The following PELI2 variants were observed in gnomAD, a reference collection of about 807,000 sequenced individuals.
The protein encoded by PELI2 is E3 ubiquitin-protein ligase pellino homolog 2.
In PELI2, 23 loss-of-function variants were observed where a neutral mutation model predicts 42.3. That is an observed-to-expected ratio of 0.54 (90% CI 0.39 to 0.77). The LOEUF (loss-of-function observed/expected upper bound fraction) is 0.77, where lower values mean the gene tolerates loss of function less well. PELI2 is among the 30% of genes least tolerant of loss of function. The pLI is 0.00. For synonymous variants in PELI2, 245 were observed against 212.2 expected (o/e 1.15, Z -1.34); for missense variants, 463 against 553.2 (o/e 0.84, Z 1.64).
rs116802748 is a variant in PELI2 at position 56,126,555 on chromosome 14, G to T, written c.77+7818G>T. On this transcript the variant is annotated intron_variant, in intron 1 of 5. Transcript: ENST00000267460. Reference sequence around the variant, plus strand: ...ATTTAACCAGAGCGAGCAGTTGTGTGTTTGGCTTCTAGGCTATTGGTATAA... The same window carrying T: ...ATTTAACCAGAGCGAGCAGTTGTGTTTTTGGCTTCTAGGCTATTGGTATAA... Among the ~76,000 whole-genome samples, 379 of 152,318 alleles carry T rather than the reference G, an allele frequency of 2.5e-3. 3 individuals carry two copies. The highest frequency in any genetic ancestry group is 8.8e-3 in the African/African-American group (366 of 41,560).
chr14:56,210,430 G>A (rs756604278), intron 2 of PELI2, among the ~76,000 whole-genome samples: 2 of 151,776 alleles, frequency 1.3e-5, no homozygotes, highest in East Asian at 1.9e-4. Flanking sequence ...GAATGATTTT[G>A]GTTTTTTTTT....
chr14:56,234,877 A>G (rs375248235), intron 2 of PELI2, among the ~76,000 whole-genome samples: 1 of 152,280 alleles, frequency 6.6e-6, no homozygotes, highest in South Asian at 2.1e-4. Flanking sequence ...TGTGCATAGC[A>G]TGGGGATGGA....
intron 1 of PELI2, among the ~76,000 whole-genome samples, chr14:56,174,164 A>G (rs1885283747): frequency 6.6e-6 from 1 of 152,146 alleles, no homozygotes; most frequent in Non-Finnish European, 1.5e-5. Flanking sequence ...CGGCCTCCCA[A>G]AGTGCCGGGA....
chr14:56,218,700 TGC>T (rs1253297157), intron 2 of PELI2, among the ~76,000 whole-genome samples: 1 of 151,628 alleles, frequency 6.6e-6, no homozygotes, highest in Non-Finnish European at 1.5e-5. Context: ...CGCACATGTG[TGC>T]GTGTGTGTGT....
Position 56,171,837 on chromosome 14 carries a change from G to A in PELI2, c.78-6498G>A, listed in dbSNP as rs566142737. Among the ~76,000 whole-genome samples, 11 of 152,176 alleles carry A rather than the reference G, an allele frequency of 7.2e-5. No homozygotes were observed. In the East Asian group the frequency reaches 1.2e-3, roughly 16 times the overall value. On this transcript the variant is annotated intron_variant, in intron 1 of 5. Coordinates refer to ENST00000267460, the MANE Select transcript of PELI2 (RefSeq NM_021255.3). Reference sequence around the variant, plus strand: ...TCGAAACCAGCCTGGCCAATATGGCGAAACCCTGTCTCTGCTAAAAATACC... The same window carrying A: ...TCGAAACCAGCCTGGCCAATATGGCAAAACCCTGTCTCTGCTAAAAATACC...
At chr14:56,203,813 G>C (rs544437113) in intron 2 of PELI2, among the ~76,000 whole-genome samples, 1 of 152,238 alleles carries the variant, frequency 6.6e-6, no homozygotes, top group South Asian at 2.1e-4. Flanking sequence ...TATATATACA[G>C]GAGGTCTCAC....
At chr14:56,164,486 T>C (rs775743041) in intron 1 of PELI2, among the ~76,000 whole-genome samples, 24 of 152,252 alleles carry the variant, frequency 1.6e-4, no homozygotes, top group Admixed American at 3.9e-4. Flanking sequence ...ACCAGAGATA[T>C]TAGCCTGTAG....
chr14:56,214,693 C>T (rs925015262), intron 2 of PELI2, among the ~76,000 whole-genome samples: 1 of 152,084 alleles, frequency 6.6e-6, no homozygotes, highest in Non-Finnish European at 1.5e-5. Context: ...GGATGTTCAG[C>T]CTTTTTGGGT....
chr14:56,173,789 A>G (rs1885266469), intron 1 of PELI2, among the ~76,000 whole-genome samples: 1 of 152,184 alleles, frequency 6.6e-6, no homozygotes, highest in South Asian at 2.1e-4. Context: ...TTGCCATTGG[A>G]TTTAGGACCT....
intron 3 of PELI2, among the ~76,000 whole-genome samples, chr14:56,283,315 TTTAATAAA>T (rs2139881814): frequency 6.6e-6 from 1 of 152,316 alleles, no homozygotes; most frequent in Admixed American, 6.5e-5. Flanking sequence ...AGACTCAAGA[TTTAATAAA>T]GTTCATAATT....
At chr14:56,244,686 A>G (rs1008018564) in intron 2 of PELI2, among the ~76,000 whole-genome samples, 3 of 152,130 alleles carry the variant, frequency 2.0e-5, no homozygotes, top group South Asian at 4.1e-4. Flanking sequence ...GGGCTGTGTA[A>G]ATAGATTCTC....
At chr14:56,206,666 G>C (rs571122702) in intron 2 of PELI2, among the ~76,000 whole-genome samples, 1 of 152,058 alleles carries the variant, frequency 6.6e-6, no homozygotes, top group Non-Finnish European at 1.5e-5. Flanking sequence ...TCACCAGCCC[G>C]TGCAGTATTC....
At chr14:56,128,083 T>A (rs77129576) in intron 1 of PELI2, among the ~76,000 whole-genome samples, 1 of 151,920 alleles carries the variant, frequency 6.6e-6, no homozygotes, top group Non-Finnish European at 1.5e-5. Context: ...GAAAAAAAAA[T>A]GGGATTGCCT....
chr14:56,229,124 C>T (rs7143757), intron 2 of PELI2, among the ~76,000 whole-genome samples: 61,044 of 152,100 alleles, frequency 0.4, 13,032 homozygotes, highest in South Asian at 0.54. Context: ...AGGAGCCCAC[C>T]GCAGGAGGCC....
chr14:56,144,795 G>T (rs747006598), intron 1 of PELI2, among the ~76,000 whole-genome samples: 2 of 152,168 alleles, frequency 1.3e-5, no homozygotes, highest in African/African-American at 4.8e-5. Flanking sequence ...TTATGATCTT[G>T]TTGGGCCTCT....
chr14:56,158,248 G>T (rs1282773277), intron 1 of PELI2, among the ~76,000 whole-genome samples: 1 of 151,948 alleles, frequency 6.6e-6, no homozygotes, highest in African/African-American at 2.4e-5. Flanking sequence ...GGCTGGTCTC[G>T]AACACCTGAC....
chr14:56,193,916 A>G (rs1217850639), intron 2 of PELI2, among the ~76,000 whole-genome samples: 1 of 152,164 alleles, frequency 6.6e-6, no homozygotes, highest in Non-Finnish European at 1.5e-5. Context: ...CACTTTTCCC[A>G]ATGTGAAAAC....
At position 56,202,053 on chromosome 14, in the gene PELI2, GAC is replaced by G. The variant is rs1386868144; in HGVS notation, c.207+23591_207+23592del. On this transcript the variant is annotated intron_variant, in intron 2 of 5. Transcript: ENST00000267460. ...GAAACTGAGGCACAGAGATGCATGA[GAC>G]AACCTGCCAGTGTCACACAACTGCT... Among the ~76,000 whole-genome samples the G allele has an allele frequency of 5.1e-4, 78 of 152,216 alleles. 1 individual carries two copies. The highest frequency in any genetic ancestry group is 4.4e-5 in the Non-Finnish European group (3 of 68,044).
intron 2 of PELI2, among the ~76,000 whole-genome samples, chr14:56,247,137 A>G (rs148228700): frequency 1.4e-5 from 2 of 146,648 alleles, no homozygotes; most frequent in Non-Finnish European, 3.1e-5. Context: ...AAATGTTGCT[A>G]TTATATGTAC....
Sources: allele counts gnomAD v4.1 joint callset (sites outside exome capture counted in the v4.1 genomes callset), GRCh38; gene constraint gnomAD v4.1.1; transcripts MANE v1.5; gene names NCBI Gene and HGNC (gene_info 2026-07-23, HGNC 2026-07-21).